ABCA13: variants seen among roughly 807,000 people sequenced by gnomAD.
ABCA13 encodes ATP-binding cassette sub-family A member 13.
Under a neutral mutation model 478.7 loss-of-function variants are expected in ABCA13, and 476 were observed. That is an observed-to-expected ratio of 0.99 (90% CI 0.92 to 1.07). The LOEUF is 1.07. ABCA13 is among the 50% of genes least tolerant of loss of function. The probability of loss-of-function intolerance (pLI) is 0.00; values close to 1 mark genes in which losing one functional copy is unlikely to be tolerated. For missense variants in ABCA13, 6,060 were observed against 5,910.6 expected, an observed-to-expected ratio of 1.03 and a Z score of -0.83; for synonymous variants, 2,252 against 2,158.9, an observed-to-expected ratio of 1.04 and a Z score of -1.20.
intron 55 of ABCA13, among the ~76,000 whole-genome samples, chr7:48,543,201 T>A (rs892393569): frequency 1.3e-5 from 2 of 151,772 alleles, no homozygotes; most frequent in Non-Finnish European, 2.9e-5. Flanking sequence ...AACATAGAAA[T>A]TTAAATTTCT....
intron 7 of ABCA13, among the ~76,000 whole-genome samples, chr7:48,230,749 G>A (rs12154272): frequency 0.36 from 53,275 of 149,008 alleles, 10,442 homozygotes; most frequent in East Asian, 0.58. Context: ...CCATCCATCC[G>A]TCCATCCATC....
intron 11 of ABCA13, among the ~76,000 whole-genome samples, chr7:48,244,996 C>T (rs891211824): frequency 3.9e-5 from 6 of 152,232 alleles, no homozygotes; most frequent in East Asian, 1.9e-4. Context: ...TTCACATTCA[C>T]GGCAGCATCT....
rs760907604 is a variant in ABCA13 at position 48,276,210 on chromosome 7, G to T, written c.6544G>T (p.Asp2182Tyr). Residue 2182 changes from aspartate (D) to tyrosine (Y), a missense_variant, in exon 17 of 62, where the codon GAT (aspartate) becomes TAT (tyrosine). Around this residue, in one of 3 missense-constraint regions of ABCA13, gnomAD observed 4,423 missense variants for 4,309.1 expected, o/e 1.03. Coordinates refer to ENST00000435803, the MANE Select transcript of ABCA13 (RefSeq NM_152701.5). ...AAATATATCTAGAGCAGGCAATTTTGATGTTGCCTTTCTTACCCATCTGCT... is the reference window on the plus strand; with the variant it reads ...AAATATATCTAGAGCAGGCAATTTTTATGTTGCCTTTCTTACCCATCTGCT... ...LKNISRAGNFDVAFLTHLLNQ... is the reference protein window; with the variant it reads ...LKNISRAGNFYVAFLTHLLNQ... 2.5e-6 allele frequency: 4 copies of T among 1,583,130 alleles called. No individual in the cohort carries two copies. The Admixed American group carries it at 5.4e-5, about 21-fold the overall frequency.
intron 48 of ABCA13, among the ~76,000 whole-genome samples, chr7:48,498,511 A>C (rs1184497096): frequency 6.6e-6 from 1 of 152,176 alleles, no homozygotes; most frequent in African/African-American, 2.4e-5. Context: ...TATGTCCAGC[A>C]GTTTTTTATT....
chr7:48,323,306 A>G (rs1803784753), intron 27 of ABCA13, among the ~76,000 whole-genome samples: 2 of 152,238 alleles, frequency 1.3e-5, no homozygotes, highest in Admixed American at 1.3e-4. Flanking sequence ...GAATACCTTC[A>G]GCAGTGGCTG....
chr7:48,403,873 C>T lies in ABCA13; in HGVS notation c.12064C>T (p.Arg4022Ter), dbSNP rs773961513. The T allele has an allele frequency of 6.8e-5, 110 of 1,612,752 alleles. No individual in the cohort carries two copies. Among genetic ancestry groups the T allele is most frequent in the Middle Eastern group, 1.7e-4 (1 of 6,060 alleles). Residue 4022 changes from arginine (R) to a stop codon, truncating the protein, a stop_gained, in exon 39 of 62, where the codon CGA (arginine) becomes TGA (stop). Coordinates refer to ENST00000435803, the MANE Select transcript of ABCA13 (RefSeq NM_152701.5). LOFTEE classifies it high-confidence loss of function. ...HSLWDILLKYREGRTIIFTTH... is the reference protein window; with the variant it reads ...HSLWDILLKY ...CCTGTGGGACATTCTGCTCAAGTAC[C>T]GAGAAGGTAGGCACTGGGCCTCATT... is the stretch of plus-strand genomic sequence containing the variant.
intron 42 of ABCA13, among the ~76,000 whole-genome samples, chr7:48,440,306 A>G (rs1204278183): frequency 2.0e-5 from 3 of 152,146 alleles, no homozygotes; most frequent in African/African-American, 7.2e-5. Flanking sequence ...TAATTGAATT[A>G]CTTTAGAATA....
intron 15 of ABCA13, among the ~76,000 whole-genome samples, chr7:48,257,919 T>A (rs971110797): frequency 6.6e-6 from 1 of 152,030 alleles, no homozygotes; most frequent in African/African-American, 2.4e-5. Flanking sequence ...AATTCACCTG[T>A]TGCTTATTTA....
intron 3 of ABCA13, among the ~76,000 whole-genome samples, chr7:48,204,795 T>C (rs28588066): frequency 0.2 from 30,907 of 152,202 alleles, 3,396 homozygotes; most frequent in Middle Eastern, 0.26. Context: ...GCACCATGGC[T>C]TCTGCACACT....
rs776202145 is a variant in ABCA13 at position 48,249,348 on chromosome 7, T to C, written c.2002T>C (p.Leu668=). 9.3e-6 allele frequency: 15 copies of C among 1,612,714 alleles called. No homozygotes were observed. The highest frequency in any genetic ancestry group is 4.0e-5 in the African/African-American group (3 of 74,842). The change falls in exon 15 of 62, where the codon TTG becomes CTG. Residue 668 remains leucine, a synonymous_variant. Coordinates refer to ENST00000435803, the MANE Select transcript of ABCA13 (RefSeq NM_152701.5). ...NMQESFQNRL[L]AFPEESPCFE... ...GCAAGAGAGTTTCCAGAACAGACTA[T>C]TGGGTAAGTCAGTAGCCTAAACTAC...
intron 1 of ABCA13, among the ~76,000 whole-genome samples, chr7:48,189,779 A>C (rs1351780783): frequency 2.6e-5 from 4 of 152,188 alleles, no homozygotes; most frequent in Admixed American, 2.6e-4. Flanking sequence ...AAATAAAAGG[A>C]TTGATAAATT....
chr7:48,642,670 A>G (rs1795180343), intron 59 of ABCA13, among the ~76,000 whole-genome samples: 1 of 152,162 alleles, frequency 6.6e-6, no homozygotes, highest in South Asian at 2.1e-4. Context: ...AGGTTACCTT[A>G]GGGTATGAGT....
chr7:48,506,097 A>C (rs1831181674), intron 48 of ABCA13, among the ~76,000 whole-genome samples: 1 of 152,220 alleles, frequency 6.6e-6, no homozygotes, highest in Non-Finnish European at 1.5e-5. Context: ...CTGTCATGTA[A>C]AGCATGAACA....
At chr7:48,628,109 G>A (rs1031654852) in intron 59 of ABCA13, among the ~76,000 whole-genome samples, 1 of 152,108 alleles carries the variant, frequency 6.6e-6, no homozygotes, top group Non-Finnish European at 1.5e-5. Context: ...CCGCTGTAAA[G>A]TTCTTTCCCA....
At position 48,524,521 on chromosome 7, in the gene ABCA13, G is replaced by A. The variant is rs1832762343; in HGVS notation, c.14244+81G>A. Reference sequence around the variant, plus strand: ...AGCTGATCTGCTTGTGTTAGTCTCAGAATATTTGAAATCAGAGCCAAAAAT... The same window carrying A: ...AGCTGATCTGCTTGTGTTAGTCTCAAAATATTTGAAATCAGAGCCAAAAAT... On this transcript the variant is annotated intron_variant, in intron 54 of 61. Transcript: ENST00000435803. The A allele has an allele frequency of 4.6e-6, 6 of 1,318,302 alleles. No homozygotes were observed. In the South Asian group the frequency reaches 9.4e-5, roughly 21 times the overall value. 81.7% of individuals were successfully genotyped at this position (1,318,302 alleles called of 1,614,324 possible). A position where few individuals can be genotyped will look rare whatever the true frequency, so the allele number is the denominator to read the frequency against.
rs760165346 is a variant in ABCA13 at position 48,298,420 on chromosome 7, G to A, written c.9254G>A (p.Arg3085His). The change falls in exon 23 of 62, where the codon CGC (arginine) becomes CAC (histidine). Residue 3085 changes from arginine (R) to histidine (H), a missense_variant. Physicochemically the swap from Arg to His is conservative, Grantham distance 29. Transcript: ENST00000435803. ...ATCACCAAGTTGACTGAGGAGCTTC[G>A]CTCTTCCATCCAAATCTCGAATGAG... is the stretch of plus-strand genomic sequence containing the variant. ...KNITKLTEELRSSIQISNETI... is the reference protein window; with the variant it reads ...KNITKLTEELHSSIQISNETI... 1.4e-5 allele frequency: 23 copies of A among 1,612,964 alleles called. No homozygotes were observed. Among genetic ancestry groups the A allele is most frequent in the Admixed American group, 1.2e-4 (7 of 59,936 alleles).
intron 39 of ABCA13, among the ~76,000 whole-genome samples, chr7:48,406,247 T>C (rs531710381): frequency 6.6e-6 from 1 of 152,286 alleles, no homozygotes; most frequent in East Asian, 1.9e-4. Context: ...CGGTGAAAAC[T>C]GGCACATCTC....
At chr7:48,569,096 T>C in intron 55 of ABCA13, among the ~76,000 whole-genome samples, 1 of 152,090 alleles carries the variant, frequency 6.6e-6, no homozygotes, top group East Asian at 1.9e-4. Context: ...TTTTCTTTAT[T>C]ATTTCTTCCC....
intron 39 of ABCA13, chr7:48,404,500 G>T (rs1431390729): frequency 6.2e-6 from 1 of 160,112 alleles, no homozygotes; most frequent in Non-Finnish European, 1.4e-5. Flanking sequence ...ACATCTTGGT[G>T]CTGGTAAATA....
Sources: gnomAD v4.1 joint callset for allele counts (sites outside exome capture counted in the v4.1 genomes callset) on GRCh38, gnomAD v4.1.1 for gene constraint, gnomAD v4.1.1 regional missense constraint, MANE v1.5 for transcripts, NCBI Gene and HGNC (gene_info 2026-07-23, HGNC 2026-07-21) for gene names.